VPS16: variants seen among roughly 807,000 people sequenced by gnomAD.
The protein encoded by VPS16 is vacuolar protein sorting-associated protein 16 homolog.
A neutral mutation model predicts 116.0 loss-of-function variants in VPS16; 82 were observed. The ratio of observed to expected loss-of-function variants is 0.71; its 90% CI spans 0.59 to 0.85. The LOEUF (loss-of-function observed/expected upper bound fraction) is 0.85, where lower values mean the gene tolerates loss of function less well. VPS16 is among the 40% of genes least tolerant of loss of function. The pLI is 0.00. For missense variants in VPS16, 928 were observed against 1,090.6 expected, an observed-to-expected ratio of 0.85 and a Z score of 2.10; for synonymous variants, 406 against 420.7, an observed-to-expected ratio of 0.96 and a Z score of 0.43.
chr20:2,861,001 G>T lies in VPS16; in HGVS notation c.662G>T (p.Ser221Ile). Residue 221 changes from serine (S) to isoleucine (I), a missense_variant, in exon 7 of 24, where the codon AGC becomes ATC. Physicochemically the swap from Ser to Ile is moderately radical, Grantham distance 142. Transcript: ENST00000380445. ...CCTGGCCTGGCCCCAGGAGTAAGCA[G>T]CTTCCTACAGATGGCTGTCTCCTTC... ...TPPGLAPGVS[S>I]FLQMAVSFTY... The T allele has an allele frequency of 6.2e-7, 1 of 1,614,200 alleles. No homozygotes were observed. The highest frequency in any genetic ancestry group is 8.5e-7 in the Non-Finnish European group (1 of 1,180,040).
rs1236580578 is a variant in VPS16 at position 2,863,266 on chromosome 20, T to C, written c.1368-24T>C. On this transcript the variant is annotated intron_variant, in intron 14 of 23. Coordinates refer to ENST00000380445, the MANE Select transcript of VPS16 (RefSeq NM_022575.4). This position sits in a 1 kb window ranked among gnomAD's most constrained non-coding sequence, Gnocchi z 4.4. Reference sequence around the variant, plus strand: ...TTTCTCCTCCACCTCACTCCTTGTATCCTTTACCCACCGGGTCTACCAGGC... The same window carrying C: ...TTTCTCCTCCACCTCACTCCTTGTACCCTTTACCCACCGGGTCTACCAGGC... 1 of 1,613,850 alleles carries C rather than the reference T, an allele frequency of 6.2e-7. No homozygotes were observed. Among genetic ancestry groups the C allele is most frequent in the African/African-American group, 1.3e-5 (1 of 74,876 alleles).
In VPS16 at chr20:2,860,184, G is replaced by A; in HGVS notation, c.240+33G>A. ...CTTCTGATGGTCCCTGGGGCTCAGGGCTGGACAGGGTTTCCTCACCTGAGG... is the reference window on the plus strand; with the variant it reads ...CTTCTGATGGTCCCTGGGGCTCAGGACTGGACAGGGTTTCCTCACCTGAGG... On this transcript the variant is annotated intron_variant, in intron 3 of 23. Coordinates refer to ENST00000380445, the MANE Select transcript of VPS16 (RefSeq NM_022575.4). The surrounding 1 kb of genome is among the most constrained non-coding windows in gnomAD (Gnocchi z 6.1). The A allele has an allele frequency of 1.2e-6, 2 of 1,613,994 alleles. No individual in the cohort carries two copies. Among genetic ancestry groups the A allele is most frequent in the Non-Finnish European group, 1.7e-6 (2 of 1,180,014 alleles).
Position 2,863,261 on chromosome 20 carries a change from T to A in VPS16, c.1368-29T>A. ...CTCCCTTTCTCCTCCACCTCACTCC[T>A]TGTATCCTTTACCCACCGGGTCTAC... is the stretch of plus-strand genomic sequence containing the variant. On this transcript the variant is annotated intron_variant, in intron 14 of 23. Coordinates refer to ENST00000380445, the MANE Select transcript of VPS16 (RefSeq NM_022575.4). The surrounding 1 kb of genome is among the most constrained non-coding windows in gnomAD (Gnocchi z 4.4). The A allele has an allele frequency of 2.5e-6, 4 of 1,613,808 alleles. No individual in the cohort carries two copies. In the South Asian group the frequency reaches 4.4e-5, roughly 18 times the overall value.
At chr20:2,853,502 G>T (rs2089142049) in intron 1 of VPS16, among the ~76,000 whole-genome samples, 1 of 151,966 alleles carries the variant, frequency 6.6e-6, no homozygotes, top group African/African-American at 2.4e-5. Context: ...ACATCTTCAG[G>T]CCTCACTTCT....
At chr20:2,846,764 C>T (rs1246547334) in intron 1 of VPS16, among the ~76,000 whole-genome samples, 3 of 152,134 alleles carry the variant, frequency 2.0e-5, no homozygotes, top group African/African-American at 7.2e-5. Context: ...CTTCTCACAC[C>T]CCAGTAGACC....
Position 2,865,637 on chromosome 20 carries a change from A to G in VPS16, c.2271+142A>G, listed in dbSNP as rs1437365820. 2.1e-5 allele frequency: 16 copies of G among 773,798 alleles called. No homozygotes were observed. Among genetic ancestry groups the G allele is most frequent in the Non-Finnish European group, 2.7e-5 (13 of 490,292 alleles). The allele number at this position is 773,798 out of a possible 1,614,324, so 47.9% of individuals were successfully genotyped here. A position where few individuals can be genotyped will look rare whatever the true frequency, so the allele number is the denominator to read the frequency against. ...GTTAGCGAGTGCTTCCTGTATACAC[A>G]TTTGTGGGCAGGCATCATCTGCTGT... On this transcript the variant is annotated intron_variant, in intron 22 of 23. Coordinates refer to ENST00000380445, the MANE Select transcript of VPS16 (RefSeq NM_022575.4). The surrounding 1 kb of genome is among the most constrained non-coding windows in gnomAD (Gnocchi z 5.2).
At chr20:2,856,859 A>G (rs1349204754) in intron 1 of VPS16, among the ~76,000 whole-genome samples, 1 of 152,074 alleles carries the variant, frequency 6.6e-6, no homozygotes, top group African/African-American at 2.4e-5. Context: ...AATTTTATAT[A>G]GTGTGTGTAT....
intron 1 of VPS16, among the ~76,000 whole-genome samples, chr20:2,854,625 C>G (rs1379823678): frequency 6.6e-6 from 1 of 151,686 alleles, no homozygotes; most frequent in Non-Finnish European, 1.5e-5. Context: ...GAAACCCTGT[C>G]TCTACTAAAG....
At position 2,865,118 on chromosome 20, in the gene VPS16, C is replaced by A. The variant is rs760221901; in HGVS notation, c.2005-30C>A. The A allele has an allele frequency of 6.2e-7, 1 of 1,614,132 alleles. No individual in the cohort carries two copies. Among genetic ancestry groups the A allele is most frequent in the Non-Finnish European group, 8.5e-7 (1 of 1,180,004 alleles). Reference sequence around the variant, plus strand: ...TGGTCTTCCCTCCTGGTCCCTCATCCCCATCATGCCTCATTATCCGGGTCC... The same window carrying A: ...TGGTCTTCCCTCCTGGTCCCTCATCACCATCATGCCTCATTATCCGGGTCC... On this transcript the variant is annotated intron_variant, in intron 20 of 23. Transcript: ENST00000380445. The surrounding 1 kb of genome is among the most constrained non-coding windows in gnomAD (Gnocchi z 5.2).
intron 1 of VPS16, 187 bp downstream of exon 1, chr20:2,841,014 G>A (rs904352663): frequency 1.3e-5 from 8 of 603,408 alleles, no homozygotes; most frequent in Non-Finnish European, 2.3e-5. Context: ...CCCTGCTCCA[G>A]AAAAGGAAAC....
At chr20:2,855,875 C>G (rs2089167258) in intron 1 of VPS16, among the ~76,000 whole-genome samples, 1 of 152,220 alleles carries the variant, frequency 6.6e-6, no homozygotes, top group Non-Finnish European at 1.5e-5. Flanking sequence ...ATGTTGTGAT[C>G]TTATACATAG....
chr20:2,865,030 A>T lies in VPS16; in HGVS notation c.1979A>T (p.Lys660Met). The change falls in exon 20 of 24, where the codon AAG becomes ATG. Residue 660 changes from lysine (K) to methionine (M), a missense_variant. Lys to Met is a moderately conservative substitution (Grantham distance 95). Transcript: ENST00000380445. This position sits in a 1 kb window ranked among gnomAD's most constrained non-coding sequence, Gnocchi z 5.2. ...CAGACAGCCGCCGATGCCTTCTACA[A>T]GGCCAAGAATGAGTTTGCAGCCAAG... ...ALQTAADAFY[K>M]AKNEFAAKAT... 6.2e-7 allele frequency: 1 copy of T among 1,614,154 alleles called. No individual in the cohort carries two copies. Among genetic ancestry groups the T allele is most frequent in the Non-Finnish European group, 8.5e-7 (1 of 1,180,036 alleles).
chr20:2,845,008 G>A (rs576615877), intron 1 of VPS16, among the ~76,000 whole-genome samples: 2 of 35,754 alleles, frequency 5.6e-5, no homozygotes, highest in African/African-American at 9.3e-4. Flanking sequence ...TTTGCAAGGG[G>A]TGTGTGTGTG....
At chr20:2,847,717 T>C (rs2089075344) in intron 1 of VPS16, among the ~76,000 whole-genome samples, 1 of 151,974 alleles carries the variant, frequency 6.6e-6, no homozygotes, top group South Asian at 2.1e-4. Context: ...GACCTCATGA[T>C]CCGCCTGTCT....
chr20:2,846,698 G>A (rs1238530423), intron 1 of VPS16, among the ~76,000 whole-genome samples: 1 of 152,114 alleles, frequency 6.6e-6, no homozygotes, highest in Admixed American at 6.6e-5. Context: ...TTCCTCCCTA[G>A]TGGTCTGATA....
At position 2,842,776 on chromosome 20, in the gene VPS16, A is replaced by G. The variant is rs199780594; in HGVS notation, c.53+1949A>G. The stretch of plus-strand genomic sequence containing the variant: ...TGTATCTATCTATAGATAGACATAT[A>G]GATGTATCTATCTATAGATAGACAT... On this transcript the variant is annotated intron_variant, in intron 1 of 23. Transcript: ENST00000380445. Among the ~76,000 whole-genome samples, 239 of 133,158 alleles carry G rather than the reference A, an allele frequency of 1.8e-3. 1 individual carries two copies. The highest frequency in any genetic ancestry group is 3.0e-3 in the East Asian group (13 of 4,336). 87.4% of individuals were successfully genotyped at this position (133,158 alleles called of 152,430 possible). A position where few individuals can be genotyped will look rare whatever the true frequency, so the allele number is the denominator to read the frequency against.
Position 2,844,404 on chromosome 20 carries a change from C to A in VPS16, c.53+3577C>A, listed in dbSNP as rs551088452. Among the ~76,000 whole-genome samples, 4 of 152,258 alleles carry A rather than the reference C, an allele frequency of 2.6e-5. No individual in the cohort carries two copies. The Middle Eastern group carries it at 0.014, about 518-fold the overall frequency. ...AATTTGGGAAGGCAAGGAGGAGAAA[C>A]GGTGACCAGTTCTTATGGGACTCCA... On this transcript the variant is annotated intron_variant, in intron 1 of 23. Coordinates refer to ENST00000380445, the MANE Select transcript of VPS16 (RefSeq NM_022575.4).
intron 1 of VPS16, among the ~76,000 whole-genome samples, chr20:2,846,713 A>C (rs776177838): frequency 5.3e-5 from 8 of 152,158 alleles, no homozygotes; most frequent in Non-Finnish European, 1.0e-4. Context: ...CTGATATCTT[A>C]GCTTGGACAG....
In VPS16 at chr20:2,863,354, G is replaced by T; in HGVS notation, c.1432G>T (p.Val478Leu). 1 of 1,614,234 alleles carries T rather than the reference G, an allele frequency of 6.2e-7. No individual in the cohort carries two copies. Among genetic ancestry groups the T allele is most frequent in the Non-Finnish European group, 8.5e-7 (1 of 1,180,048 alleles). Reference sequence around the variant, plus strand: ...ATGCGAGTACTTGCGCCTTCCTGAAGTACAGGGCGTCAGCAGGATCCTGGC... The same window carrying T: ...ATGCGAGTACTTGCGCCTTCCTGAATTACAGGGCGTCAGCAGGATCCTGGC... ...QICEYLRLPE[V>L]QGVSRILAHW... Residue 478 changes from valine (V) to leucine (L), a missense_variant, in exon 15 of 24, where the codon GTA (valine) becomes TTA (leucine). Physicochemically the swap from Val to Leu is conservative, Grantham distance 32 (BLOSUM62 1). Transcript: ENST00000380445. The surrounding 1 kb of genome is among the most constrained non-coding windows in gnomAD (Gnocchi z 4.4).
Sources: allele counts gnomAD v4.1 joint callset (sites outside exome capture counted in the v4.1 genomes callset), GRCh38; gene constraint gnomAD v4.1.1; non-coding constraint Gnocchi (gnomAD v3.1); transcripts MANE v1.5; gene names NCBI Gene and HGNC (gene_info 2026-07-23, HGNC 2026-07-21).